The following TANC2 variants were observed in gnomAD, a reference collection of about 807,000 sequenced individuals.
The protein encoded by TANC2 is tetratricopeptide repeat, ankyrin repeat and coiled-coil containing 2, also known as protein TANC2.
Under a neutral mutation model 210.5 loss-of-function variants are expected in TANC2, and 26 were observed. That is an observed-to-expected ratio of 0.12 (90% confidence interval 0.09 to 0.17). The LOEUF (loss-of-function observed/expected upper bound fraction) is 0.17. Ranked by LOEUF, TANC2 falls within the 10% of genes least tolerant of loss-of-function variation. The pLI, the probability that TANC2 is intolerant of heterozygous loss-of-function variation, is 1.00. For synonymous variants in TANC2, 931 were observed against 967.1 expected (o/e 0.96, Z 0.69); for missense variants, 2,129 against 2,608.9 (o/e 0.82, Z 4.01).
intron 2 of TANC2, among the ~76,000 whole-genome samples, chr17:63,030,343 A>T (rs2034718485): frequency 6.6e-6 from 1 of 152,156 alleles, no homozygotes; most frequent in African/African-American, 2.4e-5. Context: ...CAGTAGAACA[A>T]TTACAGGTAA....
At chr17:63,013,345 G>T (rs2033957771) in intron 2 of TANC2, among the ~76,000 whole-genome samples, 2 of 151,916 alleles carry the variant, frequency 1.3e-5, no homozygotes, top group African/African-American at 4.8e-5. Context: ...TTTTTCTGGT[G>T]ATCAGCTGTT....
At chr17:63,070,164 T>A (rs1232756489) in intron 2 of TANC2, among the ~76,000 whole-genome samples, 1 of 152,162 alleles carries the variant, frequency 6.6e-6, no homozygotes, top group Non-Finnish European at 1.5e-5. Flanking sequence ...TATTACCACA[T>A]AATCTAGATA....
intron 2 of TANC2, among the ~76,000 whole-genome samples, chr17:63,014,989 T>C (rs2034038407): frequency 6.6e-6 from 1 of 152,146 alleles, no homozygotes; most frequent in African/African-American, 2.4e-5. Flanking sequence ...AGAGAAAATG[T>C]ATTTATGGAA....
intron 4 of TANC2, chr17:63,150,480 C>A (rs1459372571): frequency 6.6e-6 from 1 of 152,120 alleles, no homozygotes; most frequent in East Asian, 1.9e-4. Flanking sequence ...GTAAAACTTT[C>A]AATTCATGAG....
chr17:63,258,236 C>G (rs1421327403), intron 8 of TANC2, among the ~76,000 whole-genome samples: 2 of 152,070 alleles, frequency 1.3e-5, no homozygotes, highest in Non-Finnish European at 2.9e-5. Context: ...TGTAGTGGAG[C>G]TCCTTTGTAT....
chr17:63,171,353 G>A (rs898135438), intron 5 of TANC2, among the ~76,000 whole-genome samples: 1 of 152,092 alleles, frequency 6.6e-6, no homozygotes, highest in Admixed American at 6.6e-5. Flanking sequence ...AAAGTGCTGG[G>A]ATTATAGGCA....
At chr17:63,406,276 A>G (rs2048503410) in exon 21 of TANC2, 2 of 1,613,678 alleles carry the variant, frequency 1.2e-6, no homozygotes, top group South Asian at 2.2e-5. Flanking sequence ...TGCTTGCACA[A>G]GGTTAGTCTT....
intron 4 of TANC2, among the ~76,000 whole-genome samples, chr17:63,122,658 GGAGGTA>G (rs1033144520): frequency 3.3e-5 from 5 of 150,386 alleles, no homozygotes; most frequent in African/African-American, 1.2e-4. Flanking sequence ...TTGAAACCTG[GGAGGTA>G]GAGGTTATAG....
intron 8 of TANC2, among the ~76,000 whole-genome samples, chr17:63,261,430 A>G (rs750013362): frequency 4.6e-5 from 7 of 152,304 alleles, no homozygotes; most frequent in Non-Finnish European, 1.0e-4. Flanking sequence ...GCTGACACTT[A>G]CATCTCCATG....
chr17:63,223,761 A>C lies in TANC2; in HGVS notation c.770-14053A>C, dbSNP rs551787796. ...TCTTTAATAACGAGCAGTGAGGGCAAGCAGAGGTCATCTTCGTCACCCTCT... is the reference window on the plus strand; with the variant it reads ...TCTTTAATAACGAGCAGTGAGGGCACGCAGAGGTCATCTTCGTCACCCTCT... On this transcript the variant is annotated intron_variant, in intron 7 of 27. Coordinates refer to ENST00000689528, the Ensembl canonical transcript of TANC2. Among the ~76,000 whole-genome samples, 269 of 152,200 alleles carry C rather than the reference A, an allele frequency of 1.8e-3. 1 individual carries two copies. The highest frequency in any genetic ancestry group is 6.2e-3 in the African/African-American group (259 of 41,530).
chr17:63,151,394 C>CTTTG lies in TANC2; in HGVS notation c.433+14_433+15insTTTG. 1.0e-6 allele frequency: 1 copy of CTTTG among 977,918 alleles called. No individual in the cohort carries two copies. The highest frequency in any genetic ancestry group is 1.2e-6 in the Non-Finnish European group (1 of 822,864). The allele number at this position is 977,918 out of a possible 1,614,324, so 60.6% of individuals were successfully genotyped here. A position where few individuals can be genotyped will look rare whatever the true frequency, so the allele number is the denominator to read the frequency against. ...CATACTGCCCTGGTAAGCATGCATG[C>CTTTG]AAAGTGTCTGCTTTGAAAGAGGGAG... On this transcript the variant is annotated intron_variant, in intron 5 of 27. Coordinates refer to ENST00000689528, the Ensembl canonical transcript of TANC2.
rs1295790447 is a variant in TANC2 at position 63,420,225 on chromosome 17, T to C, written c.4495T>C (p.Tyr1499His). 2.5e-6 allele frequency: 4 copies of C among 1,611,462 alleles called. No homozygotes were observed. The highest frequency in any genetic ancestry group is 3.4e-6 in the Non-Finnish European group (4 of 1,178,874). ...TGTACAGGATATATTCGAGGAGGAG[T>C]ACCTGGAACAGGATGTTGAAAATGT... The change falls in exon 28 of 28, where the codon TAC becomes CAC. Residue 1499 changes from tyrosine (Y) to histidine (H), a missense_variant. By Grantham distance (83) the Tyr-to-His change is moderately conservative. This residue lies in a region of TANC2 where 584 missense variants were observed against 627.3 expected (regional missense o/e 0.93). Coordinates refer to ENST00000689528, the Ensembl canonical transcript of TANC2. The surrounding 1 kb of genome is among the most constrained non-coding windows in gnomAD (Gnocchi z 4.2).
intron 13 of TANC2, among the ~76,000 whole-genome samples, chr17:63,354,358 T>G (rs1196273839): frequency 6.6e-6 from 1 of 152,176 alleles, no homozygotes; most frequent in Non-Finnish European, 1.5e-5. Context: ...AGTCATTTTA[T>G]TAGGAGAGTT....
intron 7 of TANC2, among the ~76,000 whole-genome samples, chr17:63,206,192 T>G (rs577435026): frequency 6.6e-6 from 1 of 152,274 alleles, no homozygotes; most frequent in South Asian, 2.1e-4. Context: ...AAAAAGAAAG[T>G]GGAACATAAC....
chr17:63,017,112 A>G (rs1264551248), intron 2 of TANC2, among the ~76,000 whole-genome samples: 2 of 152,168 alleles, frequency 1.3e-5, no homozygotes, highest in African/African-American at 2.4e-5. Context: ...TGCATGTGGT[A>G]TGAAGGAAGG....
intron 7 of TANC2, among the ~76,000 whole-genome samples, chr17:63,206,382 T>C (rs560890268): frequency 6.6e-6 from 1 of 152,194 alleles, no homozygotes; most frequent in Admixed American, 6.5e-5. Flanking sequence ...AGGAAGGATT[T>C]GGACAGATAC....
chr17:63,158,307 T>G (rs772019353), intron 5 of TANC2, among the ~76,000 whole-genome samples: 31 of 152,230 alleles, frequency 2.0e-4, no homozygotes, highest in Non-Finnish European at 4.0e-4. Flanking sequence ...GTACCTATAA[T>G]TTACTTAGCA....
At chr17:63,163,280 A>C (rs1363795327) in intron 5 of TANC2, among the ~76,000 whole-genome samples, 1 of 152,216 alleles carries the variant, frequency 6.6e-6, no homozygotes, top group East Asian at 1.9e-4. Context: ...AGTGTTAAGA[A>C]TATAACTATG....
chr17:63,346,394 T>C (rs1196438530), intron 12 of TANC2, among the ~76,000 whole-genome samples: 1 of 152,184 alleles, frequency 6.6e-6, no homozygotes, highest in African/African-American at 2.4e-5. Context: ...CACTTGTATC[T>C]ACGATACATG....
Sources: allele counts gnomAD v4.1 joint callset (sites outside exome capture counted in the v4.1 genomes callset), GRCh38; gene constraint gnomAD v4.1.1; regional missense constraint gnomAD v4.1.1; non-coding constraint Gnocchi (gnomAD v3.1); transcripts MANE v1.5; gene names NCBI Gene and HGNC (gene_info 2026-07-23, HGNC 2026-07-21).